Variants in PITPNB observed in about 807,000 individuals in gnomAD.
PITPNB encodes the protein phosphatidylinositol transfer protein beta, also known as phosphatidylinositol transfer protein beta isoform.
PITPNB carries 16 observed loss-of-function variants against 45.9 expected under a neutral mutation model. The ratio of observed to expected loss-of-function variants is 0.35; its 90% CI spans 0.24 to 0.53. The LOEUF is 0.53. PITPNB is among the 20% of genes least tolerant of loss of function. The pLI is 0.93. For missense variants in PITPNB, 188 were observed against 330.5 expected, an observed-to-expected ratio of 0.57 and a Z score of 3.34; for synonymous variants, 112 against 108.9, an observed-to-expected ratio of 1.03 and a Z score of -0.18.
At chr22:27,858,301 C>A (rs1934229093) in intron 10 of PITPNB, 86 bp downstream of exon 10, 8 of 1,066,148 alleles carry the variant, frequency 7.5e-6, no homozygotes, top group Non-Finnish European at 1.1e-5. Flanking sequence ...AACACTCTTC[C>A]TAATTCTAAC....
At chr22:27,901,083 T>A (rs1935577929) in intron 3 of PITPNB, among the ~76,000 whole-genome samples, 1 of 152,168 alleles carries the variant, frequency 6.6e-6, no homozygotes, top group African/African-American at 2.4e-5. Flanking sequence ...AAACCAATAC[T>A]CGGAACAGCG....
intron 3 of PITPNB, among the ~76,000 whole-genome samples, chr22:27,909,934 C>G (rs2146424874): frequency 6.6e-6 from 1 of 151,890 alleles, no homozygotes; most frequent in Non-Finnish European, 1.5e-5. Context: ...CGTACACCAC[C>G]ATGCCCCACT....
chr22:27,886,901 C>T (rs1482654959), intron 7 of PITPNB, among the ~76,000 whole-genome samples: 1 of 152,072 alleles, frequency 6.6e-6, no homozygotes, highest in Non-Finnish European at 1.5e-5. Flanking sequence ...AATTAGCTCA[C>T]TCAAGAAAAA....
At chr22:27,869,309 A>G (rs2146360577) in intron 8 of PITPNB, among the ~76,000 whole-genome samples, 1 of 152,348 alleles carries the variant, frequency 6.6e-6, no homozygotes, top group South Asian at 2.1e-4. Context: ...GAAAATAAAT[A>G]TACAACTGAG....
intron 3 of PITPNB, among the ~76,000 whole-genome samples, chr22:27,902,897 T>A (rs1935642731): frequency 6.6e-6 from 1 of 152,148 alleles, no homozygotes; most frequent in Admixed American, 6.5e-5. Flanking sequence ...TTTTTAAATT[T>A]TTTTGTAAAG....
At chr22:27,912,538 T>A (rs13055548) in intron 2 of PITPNB, among the ~76,000 whole-genome samples, 5,821 of 151,916 alleles carry the variant, frequency 0.038, 158 homozygotes, top group South Asian at 0.052. Context: ...GAACACACAA[T>A]AACAATATTC....
rs1569019261 is a variant in PITPNB at position 27,885,212 on chromosome 22, T to TTAAAAAAAAAAAAA, written c.456+9342_456+9343insTTTTTTTTTTTTTA. Among the ~76,000 whole-genome samples, 6 of 30,234 alleles carry TTAAAAAAAAAAAAA rather than the reference T, an allele frequency of 2.0e-4. 1 individual carries two copies. The highest frequency in any genetic ancestry group is 2.4e-3 in the East Asian group (2 of 820). The allele number at this position is 30,234 out of a possible 152,430, so 19.8% of individuals were successfully genotyped here. On this transcript the variant is annotated intron_variant, in intron 7 of 11. Coordinates refer to ENST00000335272, the MANE Select transcript of PITPNB (RefSeq NM_012399.5). ...AAAGAGCCAGATTCAAATTTATACC[T>TTAAAAAAAAAAAAA]AAAAAAAAAAAAAAAAAAAAAAAAA...
chr22:27,863,214 G>A (rs1230984756), intron 8 of PITPNB, among the ~76,000 whole-genome samples: 1 of 152,034 alleles, frequency 6.6e-6, no homozygotes, highest in Admixed American at 6.5e-5. Flanking sequence ...GTTTAACAAA[G>A]GTCAGGATCC....
Position 27,919,081 on chromosome 22 carries a change from T to C in PITPNB, c.20+91A>G, listed in dbSNP as rs1936192834. On this transcript the variant is annotated intron_variant, in intron 1 of 11. Transcript: ENST00000335272. ...AGGGAGGGGCTGACACAGGGCTGAC[T>C]CCGATTTAGGAATATCCTACCACTT... is the stretch of plus-strand genomic sequence containing the variant. The C allele has an allele frequency of 2.5e-6, 4 of 1,604,400 alleles. No homozygotes were observed. The South Asian group carries it at 4.4e-5, about 18-fold the overall frequency.
At chr22:27,884,214 C>T (rs1006610023) in intron 7 of PITPNB, among the ~76,000 whole-genome samples, 1 of 152,210 alleles carries the variant, frequency 6.6e-6, no homozygotes, top group Admixed American at 6.5e-5. Context: ...GTCCCCATTA[C>T]CCCCTGGGGG....
chr22:27,858,028 A>C (rs2146346260), intron 10 of PITPNB, among the ~76,000 whole-genome samples: 1 of 152,336 alleles, frequency 6.6e-6, no homozygotes, highest in South Asian at 2.1e-4. Flanking sequence ...TGTGATACAA[A>C]CTGAGCCAAA....
chr22:27,912,983 C>CAA (rs35050003), intron 2 of PITPNB, among the ~76,000 whole-genome samples: 752 of 33,566 alleles, frequency 0.022, 17 homozygotes, highest in African/African-American at 0.059. Flanking sequence ...ACTCCATCTC[C>CAA]AAAAAAAAAA....
intron 8 of PITPNB, among the ~76,000 whole-genome samples, chr22:27,865,426 T>C (rs1253911290): frequency 6.6e-6 from 1 of 152,252 alleles, no homozygotes; most frequent in Non-Finnish European, 1.5e-5. Context: ...GTCCATCCCA[T>C]ATTTAATTTT....
intron 7 of PITPNB, among the ~76,000 whole-genome samples, chr22:27,892,927 T>C (rs1214841436): frequency 6.6e-6 from 1 of 152,178 alleles, no homozygotes; most frequent in Non-Finnish European, 1.5e-5. Flanking sequence ...CCCAGTGACA[T>C]CTGAGAAAAG....
At chr22:27,911,814 T>C (rs1291406269) in intron 2 of PITPNB, among the ~76,000 whole-genome samples, 1 of 152,214 alleles carries the variant, frequency 6.6e-6, no homozygotes, top group Non-Finnish European at 1.5e-5. Context: ...TATGAATGTA[T>C]ACATATTACC....
chr22:27,889,420 C>G (rs1601407580), intron 7 of PITPNB, among the ~76,000 whole-genome samples: 1 of 152,106 alleles, frequency 6.6e-6, no homozygotes, highest in Admixed American at 6.5e-5. Flanking sequence ...TGCAAAGACT[C>G]TTCCCTCTCA....
At chr22:27,854,736 T>C (rs1208837565) in intron 11 of PITPNB, 118 bp downstream of exon 11, 5 of 562,752 alleles carry the variant, frequency 8.9e-6, no homozygotes, top group Non-Finnish European at 1.6e-5. Flanking sequence ...ATATTTATCT[T>C]TTAAATTCTA....
intron 11 of PITPNB, 85 bp downstream of exon 11, chr22:27,854,769 T>C: frequency 1.5e-6 from 1 of 673,648 alleles, no homozygotes; most frequent in South Asian, 2.0e-5. Flanking sequence ...CATTTAACAC[T>C]TAGAGCTTCT....
chr22:27,893,143 T>C lies in PITPNB; in HGVS notation c.456+1412A>G, dbSNP rs191906952. 4.0e-3 allele frequency among the ~76,000 whole-genome samples: 602 copies of C among 152,310 alleles called. 6 individuals carry two copies. The highest frequency in any genetic ancestry group is 3.7e-3 in the Non-Finnish European group (253 of 68,016). ...GGGTACCACTCTTATTCCAAAGCTT[T>C]AGCTCTCTAGATTAGAGGAAGAGGA... On this transcript the variant is annotated intron_variant, in intron 7 of 11. Transcript: ENST00000335272.
Sources: gnomAD v4.1 joint callset for allele counts (sites outside exome capture counted in the v4.1 genomes callset) on GRCh38, gnomAD v4.1.1 for gene constraint, MANE v1.5 for transcripts, NCBI Gene and HGNC (gene_info 2026-07-23, HGNC 2026-07-21) for gene names.